The following CCDC61 variants were observed in gnomAD, a reference collection of about 807,000 sequenced individuals.
CCDC61 encodes the protein coiled-coil domain containing 61, also known as centrosomal protein CCDC61.
Under a neutral mutation model 63.0 loss-of-function variants are expected in CCDC61, and 55 were observed. That is an observed-to-expected ratio of 0.87 (90% confidence interval 0.70 to 1.09). The LOEUF is 1.09. Among genes scored for constraint, CCDC61 ranks in the 50% least tolerant of loss-of-function variants. CCDC61 has a pLI of 0.00. For missense variants in CCDC61, 651 were observed against 731.4 expected (o/e 0.89, Z 1.27); for synonymous variants, 270 against 317.0 (o/e 0.85, Z 1.58).
chr19:46,002,580 A>C (rs887392627), intron 1 of CCDC61, among the ~76,000 whole-genome samples: 4 of 151,316 alleles, frequency 2.6e-5, no homozygotes, highest in Admixed American at 2.6e-4. Context: ...CACACCTGGC[A>C]ATTTTTTTGT....
chr19:45,998,359 C>T (rs1421923362), intron 1 of CCDC61, among the ~76,000 whole-genome samples: 1 of 152,218 alleles, frequency 6.6e-6, no homozygotes, highest in Non-Finnish European at 1.5e-5. Flanking sequence ...GCTGCATTTT[C>T]ATAAGCACTT....
intron 1 of CCDC61, among the ~76,000 whole-genome samples, chr19:46,001,373 C>T (rs1968588607): frequency 6.6e-6 from 1 of 152,086 alleles, no homozygotes; most frequent in African/African-American, 2.4e-5. Context: ...ATTACAGGCA[C>T]CTGCCACCAC....
intron 3 of CCDC61, among the ~76,000 whole-genome samples, chr19:46,005,169 C>G (rs1469008095): frequency 1.3e-5 from 2 of 152,048 alleles, no homozygotes; most frequent in African/African-American, 4.8e-5. Flanking sequence ...CGCCATCATG[C>G]CCGGCTAATT....
chr19:46,006,776 G>C, intron 4 of CCDC61, 60 bp downstream of exon 4: 2 of 1,491,738 alleles, frequency 1.3e-6, no homozygotes, highest in African/African-American at 2.8e-5. Context: ...GAGGATGTGG[G>C]TAGGCCTTAG....
intron 3 of CCDC61, among the ~76,000 whole-genome samples, chr19:46,004,374 A>T (rs1164370114): frequency 6.6e-6 from 1 of 152,246 alleles, no homozygotes; most frequent in Non-Finnish European, 1.5e-5. Context: ...GCGATACAGC[A>T]GTGAACAACA....
chr19:46,009,344 T>C (rs1203058374), intron 5 of CCDC61, among the ~76,000 whole-genome samples: 1 of 152,068 alleles, frequency 6.6e-6, no homozygotes, highest in African/African-American at 2.4e-5. Flanking sequence ...GCCTGGCTCG[T>C]TGGGGAGGAC....
chr19:46,016,662 T>A lies in CCDC61; in HGVS notation c.1092-32T>A, dbSNP rs1193781550. On this transcript the variant is annotated intron_variant, in intron 9 of 13. Transcript: ENST00000595358. This position sits in a 1 kb window ranked among gnomAD's most constrained non-coding sequence, Gnocchi z 7.2. The stretch of plus-strand genomic sequence containing the variant: ...CCCCCTTGCCTGCAGGAGTTGGGCG[T>A]ACAGACCGGCGTCTCCTTTCTTTTT... 2 of 1,610,002 alleles carry A rather than the reference T, an allele frequency of 1.2e-6. No homozygotes were observed. Among genetic ancestry groups the A allele is most frequent in the Non-Finnish European group, 8.5e-7 (1 of 1,178,504 alleles).
Position 46,006,941 on chromosome 19 carries a change from C to T in CCDC61, c.389+225C>T, listed in dbSNP as rs117762595. On this transcript the variant is annotated intron_variant, in intron 4 of 13. Transcript: ENST00000595358. ...CAAACAATACATCAAACAAATAATA[C>T]GTCACGTAACAAGATGTCTAGGTAG... 3.5e-3 allele frequency among the ~76,000 whole-genome samples: 529 copies of T among 152,274 alleles called. 1 individual carries two copies. The highest frequency in any genetic ancestry group is 4.8e-3 in the Non-Finnish European group (325 of 68,022).
At chr19:46,009,810 GTGTGTA>G (rs1026003997) in intron 5 of CCDC61, among the ~76,000 whole-genome samples, 2 of 81,058 alleles carry the variant, frequency 2.5e-5, no homozygotes, top group African/African-American at 5.6e-5. Context: ...GGCTGTGTGT[GTGTGTA>G]TGTGTGTGTG....
At chr19:46,006,502 G>T in intron 3 of CCDC61, 57 bp from the exon 4 acceptor site, 1 of 1,458,418 alleles carries the variant, frequency 6.9e-7, no homozygotes, top group Non-Finnish European at 9.2e-7. Flanking sequence ...TGTGCTAGGT[G>T]CCCTCCGTGT....
At chr19:46,004,496 A>G (rs970669898) in intron 3 of CCDC61, among the ~76,000 whole-genome samples, 3 of 151,260 alleles carry the variant, frequency 2.0e-5, no homozygotes, top group Admixed American at 2.0e-4. Flanking sequence ...ATGGAATCTC[A>G]CTCTGTCTCC....
At chr19:46,003,912 A>G (rs745366943) in intron 3 of CCDC61, among the ~76,000 whole-genome samples, 47 of 150,840 alleles carry the variant, frequency 3.1e-4, no homozygotes, top group African/African-American at 1.1e-3. Context: ...TTTCCAAGGT[A>G]TTCTGCAACC....
intron 3 of CCDC61, among the ~76,000 whole-genome samples, chr19:46,004,043 A>G (rs574142664): frequency 1.3e-5 from 2 of 151,874 alleles, no homozygotes; most frequent in Non-Finnish European, 2.9e-5. Context: ...GGTTCAAGCG[A>G]TTCTCCTGCC....
intron 1 of CCDC61, among the ~76,000 whole-genome samples, chr19:45,996,950 A>C: frequency 6.6e-6 from 1 of 152,004 alleles, no homozygotes; most frequent in East Asian, 1.9e-4. Flanking sequence ...TTCTCCTTTC[A>C]AACCCTCTCC....
chr19:46,007,598 T>C (rs925649336), intron 4 of CCDC61, among the ~76,000 whole-genome samples: 1 of 152,144 alleles, frequency 6.6e-6, no homozygotes, highest in African/African-American at 2.4e-5. Context: ...CTAGCCTTTA[T>C]AGGGGGAGGG....
At chr19:46,014,200 C>G (rs1968881175) in intron 5 of CCDC61, among the ~76,000 whole-genome samples, 1 of 152,070 alleles carries the variant, frequency 6.6e-6, no homozygotes, top group Non-Finnish European at 1.5e-5. Context: ...CCTCGGCCTC[C>G]CAAAGTGCTG....
At chr19:46,010,497 T>C (rs1300392985) in intron 5 of CCDC61, among the ~76,000 whole-genome samples, 1 of 152,070 alleles carries the variant, frequency 6.6e-6, no homozygotes, top group Admixed American at 6.6e-5. Context: ...GTGGAGTCGT[T>C]CTTGCCAGGA....
intron 1 of CCDC61, 32 bp from the exon 2 acceptor site, chr19:46,002,976 C>T (rs766225587): frequency 1.3e-6 from 2 of 1,551,030 alleles, no homozygotes; most frequent in Non-Finnish European, 1.7e-6. Flanking sequence ...GCTCTGAGCT[C>T]CTCTAGGTTT....
At chr19:46,005,736 G>A (rs1165914896) in intron 3 of CCDC61, among the ~76,000 whole-genome samples, 1 of 151,328 alleles carries the variant, frequency 6.6e-6, no homozygotes, top group African/African-American at 2.4e-5. Flanking sequence ...TCGTTTTTGA[G>A]AAAATTTCTG....
Sources: gnomAD v4.1 joint callset for allele counts (sites outside exome capture counted in the v4.1 genomes callset) on GRCh38, gnomAD v4.1.1 for gene constraint, Gnocchi (gnomAD v3.1) non-coding constraint, MANE v1.5 for transcripts, NCBI Gene and HGNC (gene_info 2026-07-23, HGNC 2026-07-21) for gene names.